GALNT2: variants seen among roughly 807,000 people sequenced by gnomAD.
GALNT2 encodes UDP-GalNAc:polypeptide N-acetylgalactosaminyltransferase 2.
A neutral mutation model predicts 81.4 loss-of-function variants in GALNT2; 31 were observed. The observed-to-expected ratio is 0.38, with a 90% CI of 0.29 to 0.51. The LOEUF is 0.51. Ranked by LOEUF, GALNT2 falls within the 20% of genes least tolerant of loss-of-function variation. The pLI is 0.87. For synonymous variants in GALNT2, 303 were observed against 287.4 expected, an observed-to-expected ratio of 1.05 and a Z score of -0.55; for missense variants, 629 against 765.7, an observed-to-expected ratio of 0.82 and a Z score of 2.11.
At chr1:230,077,024 C>A (rs1223324753) in intron 1 of GALNT2, among the ~76,000 whole-genome samples, 1 of 152,132 alleles carries the variant, frequency 6.6e-6, no homozygotes. Context: ...GCTTGAGGAG[C>A]CGGTGCAAAT....
At chr1:230,167,737 A>G (rs1662656562) in intron 1 of GALNT2, among the ~76,000 whole-genome samples, 1 of 152,040 alleles carries the variant, frequency 6.6e-6, no homozygotes. Flanking sequence ...CGGGTGTGAA[A>G]TGTGCAGGGC....
chr1:230,137,073 C>T (rs996052299), intron 1 of GALNT2, among the ~76,000 whole-genome samples: 2 of 152,196 alleles, frequency 1.3e-5, no homozygotes, highest in Non-Finnish European at 2.9e-5. Flanking sequence ...GCTGGAGCTC[C>T]TGTTTTCATA....
intron 1 of GALNT2, among the ~76,000 whole-genome samples, chr1:230,175,956 A>G (rs1662966010): frequency 6.6e-6 from 1 of 152,094 alleles, no homozygotes; most frequent in African/African-American, 2.4e-5. Flanking sequence ...TGCTTAGCCT[A>G]TCTTATGTGT....
intron 1 of GALNT2, among the ~76,000 whole-genome samples, chr1:230,098,017 C>G (rs1660298755): frequency 6.6e-6 from 1 of 152,164 alleles, no homozygotes; most frequent in Admixed American, 6.5e-5. Context: ...ACATTCTGAA[C>G]TTTCTTGCTT....
intron 1 of GALNT2, among the ~76,000 whole-genome samples, chr1:230,085,038 G>T (rs781084393): frequency 1.1e-4 from 16 of 152,174 alleles, no homozygotes; most frequent in African/African-American, 3.9e-4. Flanking sequence ...GAGAAGTGGA[G>T]AAAGATTGTG....
At position 230,274,457 on chromosome 1, in the gene GALNT2, A is replaced by C; in HGVS notation, c.1453A>C (p.Thr485Pro). The C allele has an allele frequency of 6.2e-7, 1 of 1,613,482 alleles. No homozygotes were observed. The highest frequency in any genetic ancestry group is 8.5e-7 in the Non-Finnish European group (1 of 1,179,680). Reference sequence around the variant, plus strand: ...TTTTGTGTTCCAGGAATGGGCCTTGACGAAGGAGAAGTCGGTGAAGCACAT... The same window carrying C: ...TTTTGTGTTCCAGGAATGGGCCTTGCCGAAGGAGAAGTCGGTGAAGCACAT... ...NAGGNQEWALTKEKSVKHMDL... is the reference protein window; with the variant it reads ...NAGGNQEWALPKEKSVKHMDL... The change falls in exon 15 of 16, where the codon ACG (threonine) becomes CCG (proline). Residue 485 changes from threonine (T) to proline (P), a missense_variant. By Grantham distance (38) the Thr-to-Pro change is conservative. Transcript: ENST00000366672.
intron 2 of GALNT2, among the ~76,000 whole-genome samples, chr1:230,190,993 G>A (rs1348695688): frequency 6.6e-6 from 1 of 152,040 alleles, no homozygotes; most frequent in East Asian, 1.9e-4. Flanking sequence ...AATATTAGTT[G>A]CCATTTTATC....
At chr1:230,212,529 G>A (rs1664264302) in intron 3 of GALNT2, among the ~76,000 whole-genome samples, 1 of 152,166 alleles carries the variant, frequency 6.6e-6, no homozygotes, top group Admixed American at 6.5e-5. Context: ...GACTGCTTGT[G>A]TGTTCAGTCA....
intron 1 of GALNT2, among the ~76,000 whole-genome samples, chr1:230,082,144 T>C (rs1659752478): frequency 3.9e-5 from 6 of 152,182 alleles, no homozygotes; most frequent in Admixed American, 3.9e-4. Context: ...GAGGCAGGCT[T>C]TTCCATCCTT....
upstream of GALNT2, among the ~76,000 whole-genome samples, chr1:230,066,943 C>T (rs1392312428): frequency 1.3e-5 from 2 of 150,532 alleles, no homozygotes; most frequent in Admixed American, 1.3e-4. Context: ...ACGGCGGAGC[C>T]CGGCGTGCTG....
At chr1:230,227,486 T>TAGCTATATATGCTATATAATAC (rs1241747314) in intron 3 of GALNT2, among the ~76,000 whole-genome samples, 5 of 149,158 alleles carry the variant, frequency 3.4e-5, no homozygotes, top group South Asian at 4.2e-4. Flanking sequence ...CTATATAATA[T>TAGCTATATATGCTATATAATAC]AGCTATATAT....
intron 1 of GALNT2, among the ~76,000 whole-genome samples, chr1:230,121,072 T>C (rs1306574968): frequency 1.3e-5 from 2 of 152,262 alleles, no homozygotes; most frequent in Non-Finnish European, 2.9e-5. Flanking sequence ...CCACGTACCC[T>C]TTCCTGATGC....
At chr1:230,207,828 G>A (rs145464657) in intron 3 of GALNT2, among the ~76,000 whole-genome samples, 56 of 152,214 alleles carry the variant, frequency 3.7e-4, no homozygotes, top group Non-Finnish European at 6.6e-4. Context: ...CAATTCTCCC[G>A]CCTTGGCCTC....
chr1:230,260,433 A>G (rs1003318286), intron 11 of GALNT2, among the ~76,000 whole-genome samples: 2 of 152,210 alleles, frequency 1.3e-5, no homozygotes, highest in Non-Finnish European at 2.9e-5. Flanking sequence ...CAAAGACAGA[A>G]AAGAGTTGCT....
At chr1:230,162,975 C>T (rs1247918114) in intron 1 of GALNT2, among the ~76,000 whole-genome samples, 1 of 152,222 alleles carries the variant, frequency 6.6e-6, no homozygotes, top group Non-Finnish European at 1.5e-5. Context: ...TGTGTGTACA[C>T]ATTAAATCAA....
intron 4 of GALNT2, 80 bp from the exon 5 acceptor site, chr1:230,236,273 C>A: frequency 6.9e-7 from 1 of 1,458,648 alleles, no homozygotes; most frequent in Non-Finnish European, 9.6e-7. Context: ...TTAGGACCAA[C>A]ATATGAGAAT....
chr1:230,182,789 G>T (rs1006790513), intron 2 of GALNT2, among the ~76,000 whole-genome samples: 3 of 152,106 alleles, frequency 2.0e-5, no homozygotes, highest in Non-Finnish European at 2.9e-5. Context: ...TCCTTATTGA[G>T]CTTCCTCTTG....
intron 11 of GALNT2, among the ~76,000 whole-genome samples, chr1:230,258,061 T>G (rs1345765540): frequency 6.6e-6 from 1 of 152,094 alleles, no homozygotes; most frequent in Admixed American, 6.5e-5. Flanking sequence ...CTTACAGGCA[T>G]GTGCCACCAT....
At chr1:230,057,883 G>A, upstream of GALNT2, 1 of 356,826 alleles carries the variant, frequency 2.8e-6, no homozygotes, top group Non-Finnish European at 5.7e-6. Flanking sequence ...AGGAGGGGTA[G>A]GAAATGGGAA....
Sources: allele counts gnomAD v4.1 joint callset (sites outside exome capture counted in the v4.1 genomes callset), GRCh38; gene constraint gnomAD v4.1.1; transcripts MANE v1.5; gene names NCBI Gene and HGNC (gene_info 2026-07-23, HGNC 2026-07-21).